Variants in TSPAN15 observed in about 807,000 individuals in gnomAD.
TSPAN15 encodes tetraspanin-15.
In TSPAN15, 20 loss-of-function variants were observed where a neutral mutation model predicts 34.5. The observed-to-expected ratio is 0.58, with a 90% CI of 0.41 to 0.84. The LOEUF is 0.84. Among genes scored for constraint, TSPAN15 ranks in the 40% least tolerant of loss-of-function variants. The pLI is 0.00. For synonymous variants in TSPAN15, 155 were observed against 153.9 expected, an observed-to-expected ratio of 1.01 and a Z score of -0.05; for missense variants, 313 against 386.1, an observed-to-expected ratio of 0.81 and a Z score of 1.59.
the TSPAN15 span, among the ~76,000 whole-genome samples, chr10:69,528,265 G>T: frequency 6.7e-6 from 1 of 148,524 alleles, no homozygotes; most frequent in Non-Finnish European, 1.5e-5. Context: ...CTGGCATTGG[G>T]GAATGCAGTG....
At chr10:69,501,429 T>G (rs1842206158) in intron 5 of TSPAN15, among the ~76,000 whole-genome samples, 1 of 152,222 alleles carries the variant, frequency 6.6e-6, no homozygotes, top group Non-Finnish European at 1.5e-5. Context: ...TCTCTAAATG[T>G]GAAACAGGGC....
intron 1 of TSPAN15, among the ~76,000 whole-genome samples, chr10:69,465,651 G>C (rs781198227): frequency 1.3e-5 from 2 of 152,100 alleles, no homozygotes; most frequent in Non-Finnish European, 2.9e-5. Context: ...GAGATGCTCA[G>C]AGAGTTAGGT....
chr10:69,543,847 G>A, the TSPAN15 span, among the ~76,000 whole-genome samples: 209 of 14,504 alleles, frequency 0.014, 1 homozygote, highest in African/African-American at 0.05. Context: ...GAAGGGGAGT[G>A]TGTGTGTGTG....
chr10:69,482,976 T>C (rs1251413108), intron 1 of TSPAN15, among the ~76,000 whole-genome samples: 1 of 148,750 alleles, frequency 6.7e-6, no homozygotes, highest in East Asian at 2.0e-4. Context: ...TTTTTTTTTT[T>C]TGTTGTTGTT....
the TSPAN15 span, chr10:69,523,220 T>TCC: frequency 3.6e-6 from 1 of 277,970 alleles, no homozygotes; most frequent in Non-Finnish European, 6.7e-6. Flanking sequence ...TTTTGTTTGT[T>TCC]TGTTATTTGC....
chr10:69,460,277 A>G (rs887274405), intron 1 of TSPAN15, among the ~76,000 whole-genome samples: 2 of 151,994 alleles, frequency 1.3e-5, no homozygotes, highest in African/African-American at 4.8e-5. Flanking sequence ...AGGCCACAAC[A>G]GGCACGCGGG....
rs1307567050 is a variant in TSPAN15 at position 69,456,098 on chromosome 10, T to A, written c.96+4408T>A. Among the ~76,000 whole-genome samples, 3 of 152,094 alleles carry A rather than the reference T, an allele frequency of 2.0e-5. No individual in the cohort carries two copies. The East Asian group carries it at 5.8e-4, about 29-fold the overall frequency. ...TTTATTTAAATTTACTTACTTTTTT[T>A]TTTTTTTGAGACAGAGCCTCGCTCT... On this transcript the variant is annotated intron_variant, in intron 1 of 7. Transcript: ENST00000373290.
intron 1 of TSPAN15, among the ~76,000 whole-genome samples, chr10:69,465,029 C>T (rs1006134178): frequency 3.3e-5 from 5 of 152,200 alleles, no homozygotes; most frequent in Admixed American, 6.5e-5. Flanking sequence ...TGGGAGGGAC[C>T]GGGTCACAGG....
chr10:69,513,178 T>G, the TSPAN15 span, among the ~76,000 whole-genome samples: 1 of 152,240 alleles, frequency 6.6e-6, no homozygotes, highest in Non-Finnish European at 1.5e-5. Context: ...TCCTTAATAA[T>G]CATGTTGAGT....
chr10:69,504,237 T>G (rs1284210556), intron 5 of TSPAN15, among the ~76,000 whole-genome samples: 1 of 150,406 alleles, frequency 6.6e-6, no homozygotes, highest in Non-Finnish European at 1.5e-5. Flanking sequence ...TTCCTACAGT[T>G]TTTTCACGGG....
intron 1 of TSPAN15, among the ~76,000 whole-genome samples, chr10:69,477,691 C>T (rs1204505575): frequency 6.6e-6 from 1 of 152,224 alleles, no homozygotes; most frequent in Admixed American, 6.5e-5. Flanking sequence ...CCGCTATTGT[C>T]GGCTTTGTAT....
At chr10:69,475,532 G>A (rs1444079471) in intron 1 of TSPAN15, among the ~76,000 whole-genome samples, 2 of 152,124 alleles carry the variant, frequency 1.3e-5, no homozygotes, top group African/African-American at 4.8e-5. Flanking sequence ...ACAGCCCAGG[G>A]CATGCCATCC....
chr10:69,455,435 A>G (rs867460498), intron 1 of TSPAN15, among the ~76,000 whole-genome samples: 1 of 152,296 alleles, frequency 6.6e-6, no homozygotes, highest in Middle Eastern at 3.4e-3. Context: ...TGTGTTGGCT[A>G]CATAGATTCC....
At chr10:69,539,557 G>GAAGAAGAAGAAGAAGA in the TSPAN15 span, among the ~76,000 whole-genome samples, 1 of 90,220 alleles carries the variant, frequency 1.1e-5, no homozygotes, top group Admixed American at 1.1e-4. Flanking sequence ...GAAGGAGAAG[G>GAAGAAGAAGAAGAAGA]AGAAGGAGAA....
the TSPAN15 span, among the ~76,000 whole-genome samples, chr10:69,520,756 T>C: frequency 4.6e-5 from 7 of 152,396 alleles, no homozygotes; most frequent in African/African-American, 1.4e-4. Flanking sequence ...ATTTTGGCCA[T>C]TATGAACAAT....
chr10:69,470,448 A>G (rs1043942198), intron 1 of TSPAN15, among the ~76,000 whole-genome samples: 3 of 152,182 alleles, frequency 2.0e-5, no homozygotes, highest in Non-Finnish European at 4.4e-5. Context: ...TTATTTCCCT[A>G]TTCCAGCCTC....
chr10:69,462,421 G>A (rs1474455775), intron 1 of TSPAN15, among the ~76,000 whole-genome samples: 3 of 151,818 alleles, frequency 2.0e-5, no homozygotes, highest in African/African-American at 4.8e-5. Context: ...TGCAAACTCC[G>A]CCTCCCAGGT....
intron 3 of TSPAN15, 36 bp downstream of exon 3, chr10:69,485,251 A>T: frequency 6.2e-7 from 1 of 1,600,278 alleles, no homozygotes; most frequent in Non-Finnish European, 8.6e-7. Context: ...CCATGTGTGT[A>T]TGGAGCACCC....
intron 1 of TSPAN15, among the ~76,000 whole-genome samples, chr10:69,457,197 G>A (rs1398392766): frequency 6.6e-6 from 1 of 152,196 alleles, no homozygotes; most frequent in African/African-American, 2.4e-5. Flanking sequence ...GGTCAGGATT[G>A]TAGTTCATCC....
Sources: gnomAD v4.1 joint callset for allele counts (sites outside exome capture counted in the v4.1 genomes callset) on GRCh38, gnomAD v4.1.1 for gene constraint, MANE v1.5 for transcripts, NCBI Gene and HGNC (gene_info 2026-07-23, HGNC 2026-07-21) for gene names.